The following PARPBP variants were observed in gnomAD, a reference collection of about 807,000 sequenced individuals.
The protein encoded by PARPBP is PCNA-interacting partner.
A neutral mutation model predicts 50.0 loss-of-function variants in PARPBP; 52 were observed. That is an observed-to-expected ratio of 1.04 (90% CI 0.83 to 1.31). The LOEUF (loss-of-function observed/expected upper bound fraction) is 1.31, where lower values mean the gene tolerates loss of function less well. PARPBP is among the 50% of genes most tolerant of loss of function. PARPBP has a pLI of 0.00. For synonymous variants in PARPBP, 244 were observed against 232.1 expected, an observed-to-expected ratio of 1.05 and a Z score of -0.47; for missense variants, 697 against 672.0, an observed-to-expected ratio of 1.04 and a Z score of -0.41.
At position 102,183,977 on chromosome 12, in the gene PARPBP, C is replaced by CAAG. The variant is rs892660036; in HGVS notation, c.1263+1350_1263+1351insAAG. 9.9e-4 allele frequency among the ~76,000 whole-genome samples: 141 copies of CAAG among 141,914 alleles called. 1 individual carries two copies. The highest frequency in any genetic ancestry group is 3.8e-3 in the African/African-American group (140 of 37,204). The allele number at this position is 141,914 out of a possible 152,430, so 93.1% of individuals were successfully genotyped here. On this transcript the variant is annotated intron_variant, in intron 9 of 10. Coordinates refer to ENST00000327680, the MANE Select transcript of PARPBP (RefSeq NM_017915.5). Reference sequence around the variant, plus strand: ...ACTCGGTAGGCTGAGGCAGGAGAATCGCTTGAGTCTGGGAGGTGGAGATCA... The same window carrying CAAG: ...ACTCGGTAGGCTGAGGCAGGAGAATCAAGGCTTGAGTCTGGGAGGTGGAGATCA...
rs1889195904 is a variant in PARPBP, at chr12:102,175,651, C to T, written c.990C>T (p.Asp330=). 1.2e-6 allele frequency: 2 copies of T among 1,609,768 alleles called. No homozygotes were observed. Among genetic ancestry groups the T allele is most frequent in the African/African-American group, 2.7e-5 (2 of 74,810 alleles). ...GTGTTGTAGCTCTTAGCACCACTGACATCAGTCCTGCTCGGGTAATGAGCT... is the reference window on the plus strand; with the variant it reads ...GTGTTGTAGCTCTTAGCACCACTGATATCAGTCCTGCTCGGGTAATGAGCT... The part of the protein sequence containing the change: ...QEGVVALSTT[D]ISPARPKSHA... The change falls in exon 7 of 11, where the codon GAC becomes GAT. Residue 330 remains aspartate (D), a synonymous_variant. Coordinates refer to ENST00000327680, the MANE Select transcript of PARPBP (RefSeq NM_017915.5).
chr12:102,164,718 C>T (rs1435359745), intron 5 of PARPBP, 110 bp downstream of exon 5: 2 of 846,846 alleles, frequency 2.4e-6, no homozygotes, highest in Admixed American at 1.9e-5. Context: ...AATTTATGTT[C>T]TACCTCTGTA....
rs61066956 is a variant in PARPBP at position 102,141,157 on chromosome 12, C to G, written c.154-7073C>G. Among the ~76,000 whole-genome samples, 512 of 152,300 alleles carry G rather than the reference C, an allele frequency of 3.4e-3. 2 individuals carry two copies. The highest frequency in any genetic ancestry group is 0.012 in the African/African-American group (478 of 41,562). ...GTCTCTAAGGACTTGCTATATGAAT[C>G]TGGGTGCTCCTGTATTGTGTGCATA... is the stretch of plus-strand genomic sequence containing the variant. On this transcript the variant is annotated intron_variant, in intron 2 of 10. Coordinates refer to ENST00000327680, the MANE Select transcript of PARPBP (RefSeq NM_017915.5).
intron 2 of PARPBP, among the ~76,000 whole-genome samples, chr12:102,144,440 A>C (rs1248976032): frequency 6.6e-6 from 1 of 152,158 alleles, no homozygotes; most frequent in African/African-American, 2.4e-5. Context: ...AGACTCTCTC[A>C]ATCAGTTGTT....
intron 1 of PARPBP, among the ~76,000 whole-genome samples, chr12:102,123,285 CTG>C (rs1327303249): frequency 6.6e-6 from 1 of 152,208 alleles, no homozygotes; most frequent in Non-Finnish European, 1.5e-5. Context: ...AGCTCCCAAA[CTG>C]GACTCCAGCT....
At chr12:102,139,937 A>C (rs1243625779) in intron 2 of PARPBP, among the ~76,000 whole-genome samples, 1 of 152,142 alleles carries the variant, frequency 6.6e-6, no homozygotes, top group Non-Finnish European at 1.5e-5. Context: ...TATTGGTCTA[A>C]AATTCTCTTT....
At chr12:102,161,308 G>C (rs1474303830) in intron 4 of PARPBP, among the ~76,000 whole-genome samples, 1 of 151,898 alleles carries the variant, frequency 6.6e-6, no homozygotes, top group Non-Finnish European at 1.5e-5. Flanking sequence ...GGGTTTCGCT[G>C]TGTTGGCCAG....
At chr12:102,151,826 T>C (rs764320940) in intron 3 of PARPBP, 2 of 1,507,810 alleles carry the variant, frequency 1.3e-6, no homozygotes, top group Non-Finnish European at 1.8e-6. Context: ...AGCCACCCGC[T>C]TCAGAACATT....
At chr12:102,156,192 T>TTTTC (rs1886904975) in intron 4 of PARPBP, among the ~76,000 whole-genome samples, 1 of 134,440 alleles carries the variant, frequency 7.4e-6, no homozygotes, top group African/African-American at 2.8e-5. Context: ...TTTTTTTTTT[T>TTTTC]TTTTTTTTTT....
chr12:102,179,680 C>A (rs1889642437), intron 8 of PARPBP, among the ~76,000 whole-genome samples: 1 of 151,942 alleles, frequency 6.6e-6, no homozygotes, highest in South Asian at 2.1e-4. Flanking sequence ...CTAAAAGGCC[C>A]AAATACAGTC....
intron 4 of PARPBP, among the ~76,000 whole-genome samples, chr12:102,159,751 T>C (rs868479511): frequency 1.4e-4 from 21 of 152,108 alleles, no homozygotes; most frequent in African/African-American, 4.6e-4. Flanking sequence ...TTTGTCAGTA[T>C]ATATAAGCAT....
intron 7 of PARPBP, among the ~76,000 whole-genome samples, chr12:102,177,725 C>G (rs1051514141): frequency 7.9e-5 from 12 of 152,154 alleles, no homozygotes; most frequent in Non-Finnish European, 1.8e-4. Context: ...TAAACAGGAT[C>G]ATTTTACTTC....
At chr12:102,181,202 T>C (rs1472888481) in intron 8 of PARPBP, among the ~76,000 whole-genome samples, 1 of 152,360 alleles carries the variant, frequency 6.6e-6, no homozygotes, top group East Asian at 1.9e-4. Context: ...GTCAACTTTC[T>C]ATTCTTCACA....
chr12:102,174,421 G>C (rs1338673379), intron 6 of PARPBP, among the ~76,000 whole-genome samples: 1 of 152,124 alleles, frequency 6.6e-6, no homozygotes, highest in Non-Finnish European at 1.5e-5. Flanking sequence ...AGCTTGTTAG[G>C]GAACCTGGCA....
At chr12:102,145,009 G>A (rs1245709268) in intron 2 of PARPBP, among the ~76,000 whole-genome samples, 1 of 152,106 alleles carries the variant, frequency 6.6e-6, no homozygotes, top group African/African-American at 2.4e-5. Context: ...TAAGGACAAT[G>A]AGGATAATTT....
intron 9 of PARPBP, among the ~76,000 whole-genome samples, chr12:102,185,610 A>G (rs1565902306): frequency 6.6e-6 from 1 of 152,148 alleles, no homozygotes. Context: ...AATGTTTGCT[A>G]AAATTCAGTA....
intron 9 of PARPBP, among the ~76,000 whole-genome samples, chr12:102,194,243 A>G (rs893129687): frequency 2.6e-5 from 4 of 152,026 alleles, no homozygotes; most frequent in Admixed American, 6.6e-5. Flanking sequence ...TTTAGATTTC[A>G]TGACTGTATC....
At chr12:102,154,596 T>C (rs1197161694) in intron 4 of PARPBP, among the ~76,000 whole-genome samples, 1 of 152,238 alleles carries the variant, frequency 6.6e-6, no homozygotes, top group Admixed American at 6.5e-5. Context: ...TCATACCTTC[T>C]AAACTGTAAC....
At chr12:102,181,022 G>C (rs1889774919) in intron 8 of PARPBP, among the ~76,000 whole-genome samples, 1 of 152,084 alleles carries the variant, frequency 6.6e-6, no homozygotes, top group Non-Finnish European at 1.5e-5. Flanking sequence ...ATTCAAGTTG[G>C]TCTGAATCCA....
Sources: gnomAD v4.1 joint callset for allele counts (sites outside exome capture counted in the v4.1 genomes callset) on GRCh38, gnomAD v4.1.1 for gene constraint, MANE v1.5 for transcripts, NCBI Gene and HGNC (gene_info 2026-07-23, HGNC 2026-07-21) for gene names.